Variants in LARGE1 observed in about 807,000 individuals in gnomAD.
The protein encoded by LARGE1 is LARGE xylosyl- and glucuronyltransferase 1, also known as xylosyl- and glucuronyltransferase LARGE1.
In LARGE1, 43 loss-of-function variants were observed where a neutral mutation model predicts 87.6. The observed-to-expected ratio is 0.49, with a 90% CI of 0.38 to 0.63. The LOEUF is 0.63. LARGE1 is among the 30% of genes least tolerant of loss of function. LARGE1 has a pLI of 0.00. For synonymous variants in LARGE1, 434 were observed against 394.6 expected (o/e 1.10, Z -1.18); for missense variants, 802 against 1,000.2 (o/e 0.80, Z 2.67).
At chr22:33,245,248 G>GT (rs1287230468) in intron 11 of LARGE1, among the ~76,000 whole-genome samples, 1 of 152,198 alleles carries the variant, frequency 6.6e-6, no homozygotes, top group Non-Finnish European at 1.5e-5. Flanking sequence ...AATTGCCCTT[G>GT]TTTAATGAGA....
the LARGE1 span, among the ~76,000 whole-genome samples, chr22:33,125,108 C>T: frequency 5.3e-4 from 80 of 152,294 alleles, no homozygotes; most frequent in Non-Finnish European, 9.3e-4. Context: ...CTTCAGGCAT[C>T]TCCACGTGTC....
chr22:33,191,896 C>A (rs1923801197), intron 11 of LARGE1, among the ~76,000 whole-genome samples: 1 of 152,190 alleles, frequency 6.6e-6, no homozygotes, highest in Admixed American at 6.5e-5. Flanking sequence ...ATTTTCCCCA[C>A]TAGTGTATCA....
intron 11 of LARGE1, among the ~76,000 whole-genome samples, chr22:33,169,175 T>A (rs1922427539): frequency 1.3e-5 from 2 of 152,246 alleles, no homozygotes; most frequent in South Asian, 2.1e-4. Flanking sequence ...ATAAAGATTT[T>A]AAAAATCTGT....
At chr22:33,506,167 A>G (rs1029025496) in intron 6 of LARGE1, among the ~76,000 whole-genome samples, 8 of 152,232 alleles carry the variant, frequency 5.3e-5, no homozygotes, top group Non-Finnish European at 1.0e-4. Context: ...TTCCCCTCAA[A>G]GGATGCCCTG....
In LARGE1 at chr22:33,734,559, CTT is replaced by C. The variant is rs367705073; in HGVS notation, c.106+26810_106+26811del. 3.5e-3 allele frequency among the ~76,000 whole-genome samples: 530 copies of C among 152,312 alleles called. 1 individual carries two copies. The highest frequency in any genetic ancestry group is 0.013 in the African/African-American group (520 of 41,572). On this transcript the variant is annotated intron_variant, in intron 2 of 14. Coordinates refer to ENST00000397394, the MANE Select transcript of LARGE1 (RefSeq NM_133642.5). ...CAGTAGTATTGTGCTTTGAAACACT[CTT>C]TGTTCATCTGCGGGAGGGCTTTTTG...
chr22:33,840,917 C>T (rs1461671942), intron 1 of LARGE1, among the ~76,000 whole-genome samples: 1 of 152,226 alleles, frequency 6.6e-6, no homozygotes, highest in East Asian at 1.9e-4. Flanking sequence ...GCCACTGCAC[C>T]TGGATGACTT....
chr22:33,596,845 C>T (rs933393339), intron 5 of LARGE1, among the ~76,000 whole-genome samples: 2 of 152,174 alleles, frequency 1.3e-5, no homozygotes, highest in Admixed American at 1.3e-4. Flanking sequence ...CATTTAACTG[C>T]AATCAATCTT....
intron 2 of LARGE1, chr22:33,725,061 C>T (rs1234065002): frequency 1.3e-5 from 2 of 153,120 alleles, no homozygotes; most frequent in Non-Finnish European, 1.5e-5. Flanking sequence ...AGAAGCGGGG[C>T]CAGGGCAGTG....
At chr22:33,620,016 G>A (rs1437925841) in intron 4 of LARGE1, among the ~76,000 whole-genome samples, 1 of 152,128 alleles carries the variant, frequency 6.6e-6, no homozygotes, top group Non-Finnish European at 1.5e-5. Flanking sequence ...CAGAACCCAG[G>A]CCTGCTTCTT....
chr22:33,121,238 C>A, the LARGE1 span, among the ~76,000 whole-genome samples: 1 of 152,144 alleles, frequency 6.6e-6, no homozygotes, highest in Non-Finnish European at 1.5e-5. Flanking sequence ...AGCATCCTGG[C>A]CACCCAGCTG....
In LARGE1 at chr22:33,585,255, C is replaced by CG. The variant is rs549898329; in HGVS notation, c.615+19179dup. Among the ~76,000 whole-genome samples, 100 of 152,250 alleles carry CG rather than the reference C, an allele frequency of 6.6e-4. 1 individual carries two copies. In the Middle Eastern group the frequency reaches 0.01, roughly 16 times the overall value. On this transcript the variant is annotated intron_variant, in intron 5 of 14. Coordinates refer to ENST00000397394, the MANE Select transcript of LARGE1 (RefSeq NM_133642.5). ...TCTCACAGCAAACCTACAAAGGAGA[C>CG]GGGGGAGATTCTTTTGGTTGCCTAT...
chr22:33,554,548 T>C (rs1387131392), intron 6 of LARGE1, among the ~76,000 whole-genome samples: 2 of 152,170 alleles, frequency 1.3e-5, no homozygotes, highest in Non-Finnish European at 2.9e-5. Context: ...CTATTCACTC[T>C]ACGTCCCCAT....
At chr22:33,472,757 T>A (rs1390371069) in intron 6 of LARGE1, among the ~76,000 whole-genome samples, 1 of 152,240 alleles carries the variant, frequency 6.6e-6, no homozygotes, top group Non-Finnish European at 1.5e-5. Context: ...CTGAGTTTTC[T>A]AGCAAAGCAT....
At chr22:33,574,262 G>A (rs1179584450) in intron 5 of LARGE1, among the ~76,000 whole-genome samples, 1 of 152,132 alleles carries the variant, frequency 6.6e-6, no homozygotes, top group East Asian at 1.9e-4. Flanking sequence ...ATCCAAAGAT[G>A]CTCAAGTCTC....
intron 10 of LARGE1, among the ~76,000 whole-genome samples, chr22:33,318,234 CAA>C (rs10635054): frequency 1.1e-4 from 12 of 114,132 alleles, no homozygotes; most frequent in Non-Finnish European, 9.1e-5. Flanking sequence ...GACTCCATCT[CAA>C]AAAAAAAAAA....
chr22:33,324,445 C>A (rs1278171702), intron 10 of LARGE1, among the ~76,000 whole-genome samples: 4 of 152,080 alleles, frequency 2.6e-5, no homozygotes, highest in Admixed American at 2.6e-4. Context: ...GCTCTCTGGC[C>A]ACTGCCACAG....
chr22:33,859,271 T>TG (rs1374544073), intron 1 of LARGE1, among the ~76,000 whole-genome samples: 1 of 152,248 alleles, frequency 6.6e-6, no homozygotes, highest in Non-Finnish European at 1.5e-5. Context: ...GTTGTATTAC[T>TG]GTACTTCCTA....
chr22:33,624,278 C>T (rs868172584), intron 4 of LARGE1, among the ~76,000 whole-genome samples: 8 of 152,070 alleles, frequency 5.3e-5, no homozygotes, highest in South Asian at 4.2e-4. Context: ...CAGAAAATGA[C>T]GGCATGGGTT....
chr22:33,496,889 A>G (rs901354963), intron 6 of LARGE1, among the ~76,000 whole-genome samples: 1 of 105,702 alleles, frequency 9.5e-6, no homozygotes, highest in African/African-American at 3.0e-5. Flanking sequence ...TAATAAATTC[A>G]ACATTGTTTG....
Sources: allele counts gnomAD v4.1 joint callset (sites outside exome capture counted in the v4.1 genomes callset), GRCh38; gene constraint gnomAD v4.1.1; transcripts MANE v1.5; gene names NCBI Gene and HGNC (gene_info 2026-07-23, HGNC 2026-07-21).